The following STK32A variants were observed in gnomAD, a reference collection of about 807,000 sequenced individuals.
STK32A encodes serine/threonine-protein kinase 32A.
Under a neutral mutation model 53.2 loss-of-function variants are expected in STK32A, and 41 were observed. The ratio of observed to expected loss-of-function variants is 0.77; its 90% CI spans 0.60 to 1.00. STK32A has a LOEUF of 1.00. Among genes scored for constraint, STK32A ranks in the 50% least tolerant of loss-of-function variants. The pLI is 0.00. For synonymous variants in STK32A, 166 were observed against 162.8 expected (o/e 1.02, Z -0.15); for missense variants, 458 against 485.8 (o/e 0.94, Z 0.54).
intron 2 of STK32A, among the ~76,000 whole-genome samples, chr5:147,245,376 C>T (rs377265067): frequency 1.4e-4 from 21 of 152,196 alleles, no homozygotes; most frequent in African/African-American, 3.4e-4. Context: ...AAAGAATAGA[C>T]GTGCAAGTAA....
intron 8 of STK32A, 44 bp from the exon 9 acceptor site, chr5:147,370,610 T>C: frequency 7.6e-7 from 1 of 1,319,874 alleles, no homozygotes; most frequent in Non-Finnish European, 1.1e-6. Context: ...TTTTTTTCTT[T>C]TGTCCTATAC....
chr5:147,308,550 T>C (rs990629432), intron 4 of STK32A, among the ~76,000 whole-genome samples: 2 of 152,184 alleles, frequency 1.3e-5, no homozygotes, highest in African/African-American at 4.8e-5. Context: ...ATATTGCACA[T>C]GCATTGAGAA....
chr5:147,398,284 T>C, the STK32A span, among the ~76,000 whole-genome samples: 2 of 152,192 alleles, frequency 1.3e-5, no homozygotes, highest in South Asian at 4.1e-4. Flanking sequence ...CCCTACCTCC[T>C]TCATTTACTC....
intron 2 of STK32A, among the ~76,000 whole-genome samples, chr5:147,243,738 C>CA (rs377312425): frequency 1.6e-4 from 21 of 134,760 alleles, no homozygotes; most frequent in Admixed American, 3.8e-4. Flanking sequence ...AGACTCTGTC[C>CA]AAAAAAAAAC....
At position 147,245,118 on chromosome 5, in the gene STK32A, C is replaced by T. The variant is rs555550874; in HGVS notation, c.52+5432C>T. ...AGCCAAGTTATTGACTGCACAAAAACATAATCTCATCTGATATCTTTTTTA... is the reference window on the plus strand; with the variant it reads ...AGCCAAGTTATTGACTGCACAAAAATATAATCTCATCTGATATCTTTTTTA... On this transcript the variant is annotated intron_variant, in intron 2 of 12. Coordinates refer to ENST00000397936, the MANE Select transcript of STK32A (RefSeq NM_001112724.2). 9.2e-5 allele frequency among the ~76,000 whole-genome samples: 14 copies of T among 152,300 alleles called. No individual in the cohort carries two copies. The East Asian group carries it at 1.9e-3, about 21-fold the overall frequency.
intron 2 of STK32A, among the ~76,000 whole-genome samples, chr5:147,272,061 T>C (rs1181336782): frequency 6.6e-6 from 1 of 152,184 alleles, no homozygotes; most frequent in Non-Finnish European, 1.5e-5. Context: ...CCCCCGGATG[T>C]CCAGCCTTAA....
At chr5:147,336,124 C>A (rs1755108144) in intron 5 of STK32A, among the ~76,000 whole-genome samples, 1 of 152,126 alleles carries the variant, frequency 6.6e-6, no homozygotes, top group Non-Finnish European at 1.5e-5. Flanking sequence ...TATACTCATG[C>A]AACCTAAAGC....
At chr5:147,279,454 G>A in intron 4 of STK32A, 56 bp downstream of exon 4, 1 of 1,498,048 alleles carries the variant, frequency 6.7e-7, no homozygotes, top group Non-Finnish European at 9.0e-7. Context: ...GGTGGGCTAG[G>A]GGAGGTCCCC....
At chr5:147,350,129 A>T (rs558816741) in intron 6 of STK32A, among the ~76,000 whole-genome samples, 70 of 151,120 alleles carry the variant, frequency 4.6e-4, no homozygotes, top group Non-Finnish European at 7.4e-4. Flanking sequence ...AAATTAAATT[A>T]AATTTAAAAA....
chr5:147,273,805 GT>G (rs1268918618), intron 2 of STK32A, among the ~76,000 whole-genome samples: 1 of 152,102 alleles, frequency 6.6e-6, no homozygotes, highest in Non-Finnish European at 1.5e-5. Context: ...CTTACTTTCT[GT>G]TTTTAAAATC....
chr5:147,293,479 T>TAA (rs57835374), intron 4 of STK32A, among the ~76,000 whole-genome samples: 49 of 106,810 alleles, frequency 4.6e-4, no homozygotes, highest in Non-Finnish European at 6.9e-4. Context: ...TATTTCGAGG[T>TAA]AAAAAAAAAA....
chr5:147,330,673 C>T (rs1754822996), intron 5 of STK32A, among the ~76,000 whole-genome samples: 1 of 152,194 alleles, frequency 6.6e-6, no homozygotes, highest in East Asian at 1.9e-4. Context: ...TCTTTTATGT[C>T]TAAGATTCTA....
At position 147,384,966 on chromosome 5, in the gene STK32A, T is replaced by A. The variant is rs192195776; in HGVS notation, c.*983T>A. On this transcript the variant is annotated 3_prime_UTR_variant, in exon 13 of 13. Coordinates refer to ENST00000397936, the MANE Select transcript of STK32A (RefSeq NM_001112724.2). ...AACCCCTTAAATTACCCATAAAGTA[T>A]ATGGGAAGTATCTTTTCTCAGTAAA... 6.5e-6 allele frequency: 1 copy of A among 152,684 alleles called. No individual in the cohort carries two copies. The highest frequency in any genetic ancestry group is 6.5e-5 in the Admixed American group (1 of 15,326). 9.5% of individuals were successfully genotyped at this position (152,684 alleles called of 1,614,324 possible).
At chr5:147,247,973 T>C (rs923975429) in intron 2 of STK32A, among the ~76,000 whole-genome samples, 3 of 151,830 alleles carry the variant, frequency 2.0e-5, no homozygotes, top group African/African-American at 4.8e-5. Flanking sequence ...AATACAAAAT[T>C]AGCTGGGTGT....
chr5:147,394,403 G>A, the STK32A span, among the ~76,000 whole-genome samples: 1 of 152,148 alleles, frequency 6.6e-6, no homozygotes, highest in African/African-American at 2.4e-5. Flanking sequence ...TGACAAAGAC[G>A]TGACACTCAT....
intron 5 of STK32A, among the ~76,000 whole-genome samples, chr5:147,336,296 C>A (rs554322878): frequency 6.6e-6 from 1 of 152,154 alleles, no homozygotes; most frequent in South Asian, 2.1e-4. Context: ...CATGCCTAAG[C>A]TTTGCTGCTA....
intron 4 of STK32A, among the ~76,000 whole-genome samples, chr5:147,297,865 A>T (rs1752939797): frequency 6.6e-6 from 1 of 151,962 alleles, no homozygotes; most frequent in South Asian, 2.1e-4. Flanking sequence ...CTGTAATCTC[A>T]GCTACTCAGG....
At chr5:147,268,790 G>A (rs1754913501) in intron 2 of STK32A, among the ~76,000 whole-genome samples, 1 of 152,142 alleles carries the variant, frequency 6.6e-6, no homozygotes, top group East Asian at 1.9e-4. Context: ...GGATGTGAGA[G>A]ATGATGAGTG....
At chr5:147,238,815 G>GAT (rs995055676) in intron 1 of STK32A, among the ~76,000 whole-genome samples, 2 of 151,094 alleles carry the variant, frequency 1.3e-5, no homozygotes, top group South Asian at 2.1e-4. Context: ...CAACAGAGTT[G>GAT]ATATATATAT....
Sources: gnomAD v4.1 joint callset for allele counts (sites outside exome capture counted in the v4.1 genomes callset) on GRCh38, gnomAD v4.1.1 for gene constraint, MANE v1.5 for transcripts, NCBI Gene and HGNC (gene_info 2026-07-23, HGNC 2026-07-21) for gene names.